Variants in PRR11 observed in about 807,000 individuals in gnomAD.
The protein encoded by PRR11 is proline rich 11.
Under a neutral mutation model 45.6 loss-of-function variants are expected in PRR11, and 30 were observed. The ratio of observed to expected loss-of-function variants is 0.66; its 90% CI spans 0.49 to 0.89. The LOEUF is 0.89. PRR11 is among the 40% of genes least tolerant of loss of function. PRR11 has a pLI of 0.00. For missense variants in PRR11, 373 were observed against 424.8 expected (o/e 0.88, Z 1.07); for synonymous variants, 128 against 153.5 (o/e 0.83, Z 1.23).
At position 59,204,395 on chromosome 17, in the gene PRR11, C is replaced by CAA. The variant is rs71367677; in HGVS notation, c.*2787_*2788dup. On this transcript the variant is annotated 3_prime_UTR_variant, in exon 10 of 10. Coordinates refer to ENST00000262293, the MANE Select transcript of PRR11 (RefSeq NM_018304.4). Reference sequence around the variant, plus strand: ...TGGGCAACAGAGCCAGACCCTGCCTCAAAAAAAAAAAAAAAAAAAAAAAAG... The same window carrying CAA: ...TGGGCAACAGAGCCAGACCCTGCCTCAAAAAAAAAAAAAAAAAAAAAAAAAAG... 412 of 48,160 alleles carry CAA rather than the reference C, an allele frequency of 8.6e-3. 1 individual carries two copies. Among genetic ancestry groups the CAA allele is most frequent in the Middle Eastern group, 0.04 (2 of 50 alleles). The allele number at this position is 48,160 out of a possible 1,614,324, so 3.0% of individuals were successfully genotyped here.
chr17:59,176,585 G>T (rs772282418), intron 2 of PRR11, among the ~76,000 whole-genome samples: 10 of 151,382 alleles, frequency 6.6e-5, no homozygotes, highest in Non-Finnish European at 8.8e-5. Flanking sequence ...CATCGTGTCC[G>T]CTCCTTTGCT....
intron 9 of PRR11, among the ~76,000 whole-genome samples, chr17:59,198,982 A>G (rs1053007380): frequency 5.3e-5 from 8 of 152,224 alleles, no homozygotes; most frequent in Non-Finnish European, 1.0e-4. Flanking sequence ...TACTGGGAAT[A>G]TAGTGGTAAG....
At chr17:59,197,072 C>G (rs1272187515) in intron 7 of PRR11, among the ~76,000 whole-genome samples, 1 of 151,810 alleles carries the variant, frequency 6.6e-6, no homozygotes, top group East Asian at 2.0e-4. Flanking sequence ...TGGTCATGAA[C>G]TCCTGACCTC....
chr17:59,174,879 G>T, intron 2 of PRR11: 1 of 1,201,096 alleles, frequency 8.3e-7, no homozygotes, highest in Non-Finnish European at 1.2e-6. Flanking sequence ...GACTCCCCAG[G>T]ATACCCCTCC....
chr17:59,175,076 A>G (rs572573861), intron 2 of PRR11: 1 of 587,260 alleles, frequency 1.7e-6, no homozygotes, highest in South Asian at 1.7e-5. Context: ...GGAAGTAGAA[A>G]ATGTTTCATT....
chr17:59,164,048 G>T (rs570460922), intron 1 of PRR11, among the ~76,000 whole-genome samples: 3 of 152,014 alleles, frequency 2.0e-5, no homozygotes, highest in Non-Finnish European at 4.4e-5. Flanking sequence ...CAGCCTGGGC[G>T]ACAGAGTGAG....
rs2046902887 is a variant in PRR11 at position 59,203,553 on chromosome 17, T to C, written c.*1922T>C. On this transcript the variant is annotated 3_prime_UTR_variant, in exon 10 of 10. Transcript: ENST00000262293. The stretch of plus-strand genomic sequence containing the variant: ...GATCCACATCTATATTTATAACACA[T>C]TTATGGATGAAAATTAAACAGGTGT... The C allele has an allele frequency of 6.6e-6, 1 of 152,152 alleles. No homozygotes were observed. Among genetic ancestry groups the C allele is most frequent in the East Asian group, 1.9e-4 (1 of 5,188 alleles). The allele number at this position is 152,152 out of a possible 1,614,324, so 9.4% of individuals were successfully genotyped here.
chr17:59,182,989 A>C (rs2046796564), intron 2 of PRR11, among the ~76,000 whole-genome samples: 1 of 152,206 alleles, frequency 6.6e-6, no homozygotes, highest in African/African-American at 2.4e-5. Context: ...GGAGTGGAGA[A>C]CAGCTCTGAG....
chr17:59,175,981 C>T (rs1436048021), intron 2 of PRR11, among the ~76,000 whole-genome samples: 2 of 152,112 alleles, frequency 1.3e-5, no homozygotes, highest in Non-Finnish European at 2.9e-5. Context: ...TCTAATGGGA[C>T]TGGGAGTAAT....
intron 2 of PRR11, among the ~76,000 whole-genome samples, chr17:59,175,893 G>A (rs1568321276): frequency 2.0e-5 from 3 of 152,128 alleles, no homozygotes; most frequent in Admixed American, 1.3e-4. Context: ...GGGGGACAGG[G>A]CAAGTCTGTC....
chr17:59,158,145 G>A (rs1257866278), intron 1 of PRR11, among the ~76,000 whole-genome samples: 1 of 152,066 alleles, frequency 6.6e-6, no homozygotes, highest in Non-Finnish European at 1.5e-5. Flanking sequence ...AAAGACTGAA[G>A]GCAGGAGAAT....
At chr17:59,173,370 T>G (rs1245819562) in intron 2 of PRR11, among the ~76,000 whole-genome samples, 1 of 152,144 alleles carries the variant, frequency 6.6e-6, no homozygotes, top group African/African-American at 2.4e-5. Context: ...CTGTGGAAGG[T>G]TTGTTCTTTG....
rs2046894734 is a variant in PRR11, at chr17:59,201,952, C to A, written c.*321C>A. The A allele has an allele frequency of 3.9e-6, 1 of 254,184 alleles. No homozygotes were observed. Among genetic ancestry groups the A allele is most frequent in the Non-Finnish European group, 7.7e-6 (1 of 129,748 alleles). The allele number at this position is 254,184 out of a possible 1,614,324, so 15.7% of individuals were successfully genotyped here. On this transcript the variant is annotated 3_prime_UTR_variant, in exon 10 of 10. Coordinates refer to ENST00000262293, the MANE Select transcript of PRR11 (RefSeq NM_018304.4). ...CGTCATTGCACTCCAGCCTGAGCAACAAGAGCAAAACAAAAACAAACAAAC... is the reference window on the plus strand; with the variant it reads ...CGTCATTGCACTCCAGCCTGAGCAAAAAGAGCAAAACAAAAACAAACAAAC...
intron 2 of PRR11, chr17:59,179,805 C>G (rs2046770844): frequency 2.2e-6 from 3 of 1,356,500 alleles, no homozygotes; most frequent in Admixed American, 3.4e-5. Context: ...GATGACTCCT[C>G]AGATTCGTCC....
intron 7 of PRR11, among the ~76,000 whole-genome samples, chr17:59,195,743 G>A (rs959105629): frequency 1.3e-5 from 2 of 151,960 alleles, no homozygotes; most frequent in Non-Finnish European, 2.9e-5. Flanking sequence ...ATAAGATATG[G>A]CATTGATTTA....
chr17:59,165,989 C>G (rs2046678205), intron 1 of PRR11, among the ~76,000 whole-genome samples: 1 of 152,118 alleles, frequency 6.6e-6, no homozygotes, highest in Non-Finnish European at 1.5e-5. Context: ...CAAATTGGGA[C>G]CTGATAGTTA....
At chr17:59,170,866 G>T (rs2046704156) in intron 2 of PRR11, among the ~76,000 whole-genome samples, 1 of 152,188 alleles carries the variant, frequency 6.6e-6, no homozygotes, top group Non-Finnish European at 1.5e-5. Flanking sequence ...CTGTGAAGGT[G>T]AGAAAACTTC....
At chr17:59,184,622 G>A (rs1441027499) in intron 2 of PRR11, among the ~76,000 whole-genome samples, 1 of 152,116 alleles carries the variant, frequency 6.6e-6, no homozygotes. Flanking sequence ...CTGCTTTTCT[G>A]GAGTTCAAAT....
At chr17:59,190,370 G>A (rs1322430428) in intron 4 of PRR11, among the ~76,000 whole-genome samples, 1 of 151,972 alleles carries the variant, frequency 6.6e-6, no homozygotes, top group African/African-American at 2.4e-5. Context: ...TATTCGGGAG[G>A]CTGAGGCAGG....
Sources: gnomAD v4.1 joint callset for allele counts (sites outside exome capture counted in the v4.1 genomes callset) on GRCh38, gnomAD v4.1.1 for gene constraint, MANE v1.5 for transcripts, NCBI Gene and HGNC (gene_info 2026-07-23, HGNC 2026-07-21) for gene names.